NDUFA10: variants seen among roughly 807,000 people sequenced by gnomAD.
NDUFA10 encodes NADH:ubiquinone oxidoreductase subunit A10, also known as NADH dehydrogenase [ubiquinone] 1 alpha subcomplex subunit 10, mitochondrial.
A neutral mutation model predicts 47.8 loss-of-function variants in NDUFA10; 40 were observed. That is an observed-to-expected ratio of 0.84 (90% CI 0.65 to 1.09). The LOEUF is 1.09. Ranked by LOEUF, NDUFA10 falls within the 50% of genes least tolerant of loss-of-function variation. The probability of loss-of-function intolerance (pLI) is 0.00; values close to 1 mark genes in which losing one functional copy is unlikely to be tolerated. For missense variants in NDUFA10, 413 were observed against 451.1 expected (o/e 0.92, Z 0.76); for synonymous variants, 183 against 172.2 (o/e 1.06, Z -0.49).
chr2:239,920,787 A>G (rs1693959906), intron 4 of NDUFA10, among the ~76,000 whole-genome samples: 1 of 152,134 alleles, frequency 6.6e-6, no homozygotes, highest in Admixed American at 6.5e-5. Context: ...CCCCAGCCAC[A>G]CCTGCTATTG....
At chr2:239,990,918 T>G (rs1696219635) in intron 8 of NDUFA10, among the ~76,000 whole-genome samples, 1 of 152,268 alleles carries the variant, frequency 6.6e-6, no homozygotes, top group African/African-American at 2.4e-5. Context: ...AAAAAAAACA[T>G]TAAAATAAAG....
chr2:239,977,865 C>T (rs1397134055), intron 9 of NDUFA10, among the ~76,000 whole-genome samples: 2 of 152,190 alleles, frequency 1.3e-5, no homozygotes, highest in Admixed American at 6.5e-5. Context: ...GCTACGCTCG[C>T]AGCACCCTGG....
intron 4 of NDUFA10, among the ~76,000 whole-genome samples, chr2:239,940,266 C>G (rs1370856169): frequency 6.6e-6 from 1 of 152,212 alleles, no homozygotes; most frequent in Non-Finnish European, 1.5e-5. Context: ...TGGGATGTGG[C>G]CCCCGGGCCA....
rs1246675690 is a variant in NDUFA10, at chr2:240,005,254, C to T, written c.846G>A (p.Pro282=). The T allele has an allele frequency of 3.1e-6, 5 of 1,614,116 alleles. No homozygotes were observed. The highest frequency in any genetic ancestry group is 1.1e-5 in the South Asian group (1 of 91,074). ...DIEYLKFDKG[P]WLKQDNRTLY... ...AAGTGCGATTGTCCTGCTTGAGCCA[C>T]GGCCCTTTATCGAACTTCAGGTATT... is the stretch of plus-strand genomic sequence containing the variant. The change falls in exon 8 of 10, where the codon CCG becomes CCA. Residue 282 remains proline, a synonymous_variant. Transcript: ENST00000252711.
downstream of NDUFA10, chr2:239,892,446 T>C (rs527890365): frequency 6.6e-6 from 1 of 152,274 alleles, no homozygotes; most frequent in South Asian, 2.1e-4. Flanking sequence ...CTTATGTTTT[T>C]GTTTTTAAAA....
At chr2:239,918,512 G>A (rs945247051) in intron 4 of NDUFA10, among the ~76,000 whole-genome samples, 1 of 152,178 alleles carries the variant, frequency 6.6e-6, no homozygotes, top group African/African-American at 2.4e-5. Flanking sequence ...CTGACACAGA[G>A]GCCAGGGAAA....
rs968075580 is a variant in NDUFA10, at chr2:239,958,816, G to A, written c.*2302C>T. 4 of 481,714 alleles carry A rather than the reference G, an allele frequency of 8.3e-6. No homozygotes were observed. The highest frequency in any genetic ancestry group is 1.1e-5 in the Non-Finnish European group (4 of 369,712). 29.8% of individuals were successfully genotyped at this position (481,714 alleles called of 1,614,324 possible). A position where few individuals can be genotyped will look rare whatever the true frequency, so the allele number is the denominator to read the frequency against. ...CATGCCTGTAAACACATGCCTGTAT[G>A]AATAAAATCCAGACACAAAACCATA... is the stretch of plus-strand genomic sequence containing the variant. On this transcript the variant is annotated 3_prime_UTR_variant, in exon 10 of 10. Transcript: ENST00000252711.
At chr2:239,963,265 T>C (rs1478818591) in intron 9 of NDUFA10, among the ~76,000 whole-genome samples, 1 of 152,158 alleles carries the variant, frequency 6.6e-6, no homozygotes, top group Admixed American at 6.5e-5. Flanking sequence ...TTTGGTATTG[T>C]GGGATCCCAG....
At chr2:239,920,270 C>T (rs1693946360) in intron 4 of NDUFA10, among the ~76,000 whole-genome samples, 1 of 152,236 alleles carries the variant, frequency 6.6e-6, no homozygotes, top group Admixed American at 6.5e-5. Context: ...TGACCTGGGA[C>T]TGCCATCCTG....
At chr2:240,008,770 G>A (rs546284705) in intron 6 of NDUFA10, among the ~76,000 whole-genome samples, 36 of 152,204 alleles carry the variant, frequency 2.4e-4, no homozygotes, top group Non-Finnish European at 4.4e-4. Flanking sequence ...TATGGAAGGT[G>A]GGGAAGACAG....
rs1694817173 is a variant in NDUFA10, at chr2:239,960,693, T to C, written c.*425A>G. On this transcript the variant is annotated 3_prime_UTR_variant, in exon 10 of 10. Coordinates refer to ENST00000252711, the MANE Select transcript of NDUFA10 (RefSeq NM_004544.4). ...GCCCAGAGCAGCGTGTGTGCACGTGTGCAGTTTCGACGTGCCCGCACGCAC... is the reference window on the plus strand; with the variant it reads ...GCCCAGAGCAGCGTGTGTGCACGTGCGCAGTTTCGACGTGCCCGCACGCAC... The C allele has an allele frequency of 1.7e-6, 2 of 1,158,108 alleles. No individual in the cohort carries two copies. Among genetic ancestry groups the C allele is most frequent in the Non-Finnish European group, 2.2e-6 (2 of 926,428 alleles). 71.7% of individuals were successfully genotyped at this position (1,158,108 alleles called of 1,614,324 possible).
intron 4 of NDUFA10, among the ~76,000 whole-genome samples, chr2:239,947,786 C>T (rs1188709358): frequency 4.6e-5 from 7 of 152,222 alleles, no homozygotes; most frequent in Non-Finnish European, 8.8e-5. Flanking sequence ...CCAGGAAGCA[C>T]GGGGTGGTGC....
At chr2:239,956,693 G>A (rs893720076), downstream of NDUFA10, among the ~76,000 whole-genome samples, 3 of 152,286 alleles carry the variant, frequency 2.0e-5, no homozygotes, top group African/African-American at 4.8e-5. Flanking sequence ...TTCCTAAACC[G>A]AACAAAGCTC....
intron 4 of NDUFA10, among the ~76,000 whole-genome samples, chr2:239,920,593 C>G (rs373393090): frequency 6.6e-6 from 1 of 152,206 alleles, no homozygotes; most frequent in East Asian, 1.9e-4. Flanking sequence ...CCAAAAGGAG[C>G]TGTGTCTCCG....
At chr2:239,915,645 C>CACAG (rs1693853312) in intron 4 of NDUFA10, among the ~76,000 whole-genome samples, 1 of 148,770 alleles carries the variant, frequency 6.7e-6, no homozygotes, top group African/African-American at 2.5e-5. Context: ...TACAGACACA[C>CACAG]AGAGACACAC....
chr2:240,015,291 G>T lies in NDUFA10; in HGVS notation c.548-431C>A, dbSNP rs142593831. ...GGCAAGACGTAGGTCACGCAAGATG[G>T]AGGTCACAGTTCAGTGATCTTTGAA... On this transcript the variant is annotated intron_variant, in intron 4 of 9. Transcript: ENST00000252711. Among the ~76,000 whole-genome samples the T allele has an allele frequency of 8.1e-4, 123 of 152,360 alleles. 2 individuals carry two copies. The South Asian group carries it at 0.014, about 17-fold the overall frequency.
chr2:239,952,633 G>C (rs1694575778), downstream of NDUFA10, among the ~76,000 whole-genome samples: 1 of 152,188 alleles, frequency 6.6e-6, no homozygotes, highest in Non-Finnish European at 1.5e-5. Flanking sequence ...CCCTCCCCTG[G>C]ATGGGCAACC....
chr2:239,974,978 G>T (rs1695461001), intron 9 of NDUFA10, among the ~76,000 whole-genome samples: 2 of 140,306 alleles, frequency 1.4e-5, no homozygotes, highest in Admixed American at 7.3e-5. Flanking sequence ...CCACCAAAGA[G>T]CTGGTCATTT....
chr2:239,899,277 C>A (rs190086913), intron 4 of NDUFA10, among the ~76,000 whole-genome samples: 2 of 212 alleles, frequency 9.4e-3, no homozygotes, highest in East Asian at 0.5. Context: ...AGGGGTGTGA[C>A]GGAGGGGTGT....
Sources: allele counts gnomAD v4.1 joint callset (sites outside exome capture counted in the v4.1 genomes callset), GRCh38; gene constraint gnomAD v4.1.1; transcripts MANE v1.5; gene names NCBI Gene and HGNC (gene_info 2026-07-23, HGNC 2026-07-21).